Variants in CAMKK1 observed in about 807,000 individuals in gnomAD.
The protein encoded by CAMKK1 is calcium/calmodulin dependent protein kinase kinase 1, also known as calcium/calmodulin-dependent protein kinase kinase 1.
CAMKK1 carries 20 observed loss-of-function variants against 63.5 expected under a neutral mutation model. That is an observed-to-expected ratio of 0.32 (90% confidence interval 0.22 to 0.46). The LOEUF (loss-of-function observed/expected upper bound fraction) is 0.46. Ranked by LOEUF, CAMKK1 falls within the 20% of genes least tolerant of loss-of-function variation. The pLI is 1.00. For synonymous variants in CAMKK1, 253 were observed against 269.0 expected, an observed-to-expected ratio of 0.94 and a Z score of 0.58; for missense variants, 588 against 658.1, an observed-to-expected ratio of 0.89 and a Z score of 1.17.
At chr17:3,867,356 C>G (rs545307050) in intron 14 of CAMKK1, among the ~76,000 whole-genome samples, 1 of 152,100 alleles carries the variant, frequency 6.6e-6, no homozygotes, top group African/African-American at 2.4e-5. Context: ...GGACGGTGCA[C>G]GAGCCCCGCA....
rs777407287 is a variant in CAMKK1 at position 3,884,995 on chromosome 17, C to A, written c.360+333G>T. 3.2e-4 allele frequency among the ~76,000 whole-genome samples: 49 copies of A among 152,088 alleles called. No homozygotes were observed. The highest frequency in any genetic ancestry group is 2.5e-3 in the Admixed American group (38 of 15,272). ...AGACTCTAAGAGGCAGAATTAGAGGCGAGGGGTGCAAGCTGGAGAAGAGTT... is the reference window on the plus strand; with the variant it reads ...AGACTCTAAGAGGCAGAATTAGAGGAGAGGGGTGCAAGCTGGAGAAGAGTT... On this transcript the variant is annotated intron_variant, in intron 2 of 15. Transcript: ENST00000348335. This position sits in a 1 kb window ranked among gnomAD's most constrained non-coding sequence, Gnocchi z 4.5.
intron 1 of CAMKK1, among the ~76,000 whole-genome samples, chr17:3,886,042 G>A (rs550856764): frequency 6.6e-6 from 1 of 152,358 alleles, no homozygotes; most frequent in East Asian, 1.9e-4. Flanking sequence ...GAAGCCTGGA[G>A]GCCCAGCAGC....
In CAMKK1 at chr17:3,883,920, C is replaced by G; in HGVS notation, c.426G>C (p.Val142=). 6.2e-7 allele frequency: 1 copy of G among 1,613,846 alleles called. No individual in the cohort carries two copies. The highest frequency in any genetic ancestry group is 8.5e-7 in the Non-Finnish European group (1 of 1,179,954). ...SEIGKGAYGV[V]RLAYNESEDR... ...CTTCACTTTCGTTGTAGGCCAGCCTCACCACACCGTAGGCACCCTGCAGAT... is the reference window on the plus strand; with the variant it reads ...CTTCACTTTCGTTGTAGGCCAGCCTGACCACACCGTAGGCACCCTGCAGAT... Residue 142 remains valine, a synonymous_variant, in exon 4 of 16, where the codon GTG becomes GTC. Coordinates refer to ENST00000348335, the MANE Select transcript of CAMKK1 (RefSeq NM_032294.3). This position sits in a 1 kb window ranked among gnomAD's most constrained non-coding sequence, Gnocchi z 4.7.
intron 9 of CAMKK1, among the ~76,000 whole-genome samples, chr17:3,877,124 C>T (rs1360362363): frequency 6.6e-6 from 1 of 152,146 alleles, no homozygotes; most frequent in Admixed American, 6.6e-5. Context: ...GGCCCAAAGC[C>T]AATCAAAACC....
At chr17:3,872,714 G>T in intron 11 of CAMKK1, 87 bp from the exon 12 acceptor site, 1 of 1,098,964 alleles carries the variant, frequency 9.1e-7, no homozygotes, top group Non-Finnish European at 1.4e-6. Context: ...GGTGGGGGCA[G>T]GGGTAGGGGG....
At position 3,890,845 on chromosome 17, in the gene CAMKK1, G is replaced by C. The variant is rs550659410; in HGVS notation, c.-44+2094C>G. 3 of 764,634 alleles carry C rather than the reference G, an allele frequency of 3.9e-6. No individual in the cohort carries two copies. The highest frequency in any genetic ancestry group is 1.8e-5 in the Admixed American group (1 of 56,788). 47.4% of individuals were successfully genotyped at this position (764,634 alleles called of 1,614,324 possible). On this transcript the variant is annotated intron_variant, in intron 1 of 15. Coordinates refer to ENST00000348335, the MANE Select transcript of CAMKK1 (RefSeq NM_032294.3). The surrounding 1 kb of genome is among the most constrained non-coding windows in gnomAD (Gnocchi z 6.5). ...ACATCGCCTCTTCTGAGCCCTCCTT[G>C]ATCTCCCCACTACCTGCTGGGTGAG...
At chr17:3,865,210 C>T (rs2054470879) in intron 15 of CAMKK1, 2 of 985,792 alleles carry the variant, frequency 2.0e-6, no homozygotes, top group Non-Finnish European at 2.4e-6. Context: ...CTGCTGAGGA[C>T]GAGGCGCACA....
At position 3,884,054 on chromosome 17, in the gene CAMKK1, C is replaced by A. The variant is rs2055535270; in HGVS notation, c.409-117G>T. ...CCTGCACCCCATCTGCACTACCCAC[C>A]ACCAGCTGGCTCACGGGCAAATATT... On this transcript the variant is annotated intron_variant, in intron 3 of 15. Coordinates refer to ENST00000348335, the MANE Select transcript of CAMKK1 (RefSeq NM_032294.3). This position sits in a 1 kb window ranked among gnomAD's most constrained non-coding sequence, Gnocchi z 4.5. 2.0e-6 allele frequency: 2 copies of A among 983,054 alleles called. No homozygotes were observed. Among genetic ancestry groups the A allele is most frequent in the Non-Finnish European group, 3.2e-6 (2 of 634,044 alleles). 60.9% of individuals were successfully genotyped at this position (983,054 alleles called of 1,614,324 possible).
intron 8 of CAMKK1, among the ~76,000 whole-genome samples, chr17:3,881,167 G>A (rs1220417208): frequency 6.6e-6 from 1 of 152,204 alleles, no homozygotes; most frequent in Non-Finnish European, 1.5e-5. Context: ...GTGACTTGCT[G>A]TGTGACCTTG....
chr17:3,883,571 AC>A lies in CAMKK1; in HGVS notation c.463-92del. On this transcript the variant is annotated intron_variant, in intron 4 of 15. Transcript: ENST00000348335. This position sits in a 1 kb window ranked among gnomAD's most constrained non-coding sequence, Gnocchi z 4.7. ...TGTGGACTGAGGTCCGGAGAGGCAC[AC>A]TGGACATCTGCTACTGGCCCTGAGG... 9.6e-7 allele frequency: 1 copy of A among 1,039,256 alleles called. No individual in the cohort carries two copies. Among genetic ancestry groups the A allele is most frequent in the South Asian group, 1.3e-5 (1 of 79,032 alleles). 64.4% of individuals were successfully genotyped at this position (1,039,256 alleles called of 1,614,324 possible). A position where few individuals can be genotyped will look rare whatever the true frequency, so the allele number is the denominator to read the frequency against.
chr17:3,883,058 A>C lies in CAMKK1; in HGVS notation c.632T>G (p.Val211Gly). ...AILKKLDHVN[V>G]VKLIEVLDDP... ...ACCCCCTACCTCGATCAGTTTGACC[A>C]CATTCACGTGGTCCAGCTTCTTCAG... The change falls in exon 6 of 16, where the codon GTG becomes GGG. Residue 211 changes from valine (V) to glycine (G), a missense_variant. Physicochemically the swap from Val to Gly is moderately radical, Grantham distance 109 (BLOSUM62 -3). Transcript: ENST00000348335. The surrounding 1 kb of genome is among the most constrained non-coding windows in gnomAD (Gnocchi z 4.7). 4 of 1,613,924 alleles carry C rather than the reference A, an allele frequency of 2.5e-6. No individual in the cohort carries two copies. Among genetic ancestry groups the C allele is most frequent in the Non-Finnish European group, 3.4e-6 (4 of 1,179,986 alleles).
intron 1 of CAMKK1, among the ~76,000 whole-genome samples, chr17:3,888,659 G>C (rs1180740318): frequency 6.6e-6 from 1 of 152,234 alleles, no homozygotes; most frequent in Non-Finnish European, 1.5e-5. Flanking sequence ...CTCGGGACAC[G>C]CTGAGGCCCA....
chr17:3,883,574 G>A lies in CAMKK1; in HGVS notation c.463-94C>T. 9.7e-7 allele frequency: 1 copy of A among 1,027,060 alleles called. No homozygotes were observed. Among genetic ancestry groups the A allele is most frequent in the Non-Finnish European group, 1.5e-6 (1 of 646,066 alleles). The allele number at this position is 1,027,060 out of a possible 1,614,324, so 63.6% of individuals were successfully genotyped here. A position where few individuals can be genotyped will look rare whatever the true frequency, so the allele number is the denominator to read the frequency against. The stretch of plus-strand genomic sequence containing the variant: ...GGACTGAGGTCCGGAGAGGCACACT[G>A]GACATCTGCTACTGGCCCTGAGGGT... On this transcript the variant is annotated intron_variant, in intron 4 of 15. Transcript: ENST00000348335. The surrounding 1 kb of genome is among the most constrained non-coding windows in gnomAD (Gnocchi z 4.7).
intron 14 of CAMKK1, among the ~76,000 whole-genome samples, chr17:3,867,642 G>T (rs901262917): frequency 2.0e-5 from 3 of 152,090 alleles, no homozygotes; most frequent in African/African-American, 4.8e-5. Flanking sequence ...TGGTTCCAGC[G>T]ACCCCACAGA....
Position 3,890,964 on chromosome 17 carries a change from C to T in CAMKK1, c.-44+1975G>A, listed in dbSNP as rs551682123. On this transcript the variant is annotated intron_variant, in intron 1 of 15. Transcript: ENST00000348335. The surrounding 1 kb of genome is among the most constrained non-coding windows in gnomAD (Gnocchi z 6.5). ...CCCTGACTCCAGGCTAACACCTCCA[C>T]CCCACCCTACCCCATCCTCCACACC... Among the ~76,000 whole-genome samples, 25 of 152,322 alleles carry T rather than the reference C, an allele frequency of 1.6e-4. No individual in the cohort carries two copies. The highest frequency in any genetic ancestry group is 6.0e-4 in the African/African-American group (25 of 41,558).
In CAMKK1 at chr17:3,883,544, C is replaced by T; in HGVS notation, c.463-64G>A. On this transcript the variant is annotated intron_variant, in intron 4 of 15. Coordinates refer to ENST00000348335, the MANE Select transcript of CAMKK1 (RefSeq NM_032294.3). The surrounding 1 kb of genome is among the most constrained non-coding windows in gnomAD (Gnocchi z 4.7). ...CACCAGGGGCTAGAACAGGCTGGTA[C>T]ATGTGGACTGAGGTCCGGAGAGGCA... 1.5e-6 allele frequency: 2 copies of T among 1,330,628 alleles called. No homozygotes were observed. The highest frequency in any genetic ancestry group is 3.4e-5 in the Admixed American group (2 of 59,628). The allele number at this position is 1,330,628 out of a possible 1,614,324, so 82.4% of individuals were successfully genotyped here.
chr17:3,885,765 G>A, intron 1 of CAMKK1, 35 bp from the exon 2 acceptor site: 3 of 1,573,080 alleles, frequency 1.9e-6, no homozygotes, highest in Non-Finnish European at 2.6e-6. Flanking sequence ...TTCACTCCTG[G>A]GTGTCAGGCT....
chr17:3,882,274 G>A lies in CAMKK1; in HGVS notation c.685+254C>T, dbSNP rs374364164. 93 of 1,613,644 alleles carry A rather than the reference G, an allele frequency of 5.8e-5. No individual in the cohort carries two copies. Among genetic ancestry groups the A allele is most frequent in the South Asian group, 1.5e-4 (14 of 91,080 alleles). On this transcript the variant is annotated intron_variant, in intron 7 of 15. Transcript: ENST00000348335. The surrounding 1 kb of genome is among the most constrained non-coding windows in gnomAD (Gnocchi z 4.3). The stretch of plus-strand genomic sequence containing the variant: ...GCATCTACCTGAGCGCGCAGCCCAC[G>A]TGGATCCACTGTCTTGCTGCTCAGA...
Position 3,890,114 on chromosome 17 carries a change from T to C in CAMKK1, c.-44+2825A>G, listed in dbSNP as rs2055835039. On this transcript the variant is annotated intron_variant, in intron 1 of 15. Transcript: ENST00000348335. This position sits in a 1 kb window ranked among gnomAD's most constrained non-coding sequence, Gnocchi z 6.5. ...CCAGACACAGAAGGTGGTCCTCCCA[T>C]GCCTGGGCCGCCTCACTGGAGCTGT... Among the ~76,000 whole-genome samples, 1 of 152,212 alleles carries C rather than the reference T, an allele frequency of 6.6e-6. No homozygotes were observed.
Sources: allele counts gnomAD v4.1 joint callset (sites outside exome capture counted in the v4.1 genomes callset), GRCh38; gene constraint gnomAD v4.1.1; non-coding constraint Gnocchi (gnomAD v3.1); transcripts MANE v1.5; gene names NCBI Gene and HGNC (gene_info 2026-07-23, HGNC 2026-07-21).